The following CYFIP2 variants were observed in gnomAD, a reference collection of about 807,000 sequenced individuals.
CYFIP2 encodes cytoplasmic FMR1-interacting protein 2.
A neutral mutation model predicts 158.7 loss-of-function variants in CYFIP2; 29 were observed. The observed-to-expected ratio is 0.18, with a 90% CI of 0.14 to 0.25. The LOEUF is 0.25. Among genes scored for constraint, CYFIP2 ranks in the 10% least tolerant of loss-of-function variants. The probability of loss-of-function intolerance (pLI) is 1.00; values close to 1 mark genes in which losing one functional copy is unlikely to be tolerated. For synonymous variants in CYFIP2, 585 were observed against 617.6 expected (o/e 0.95, Z 0.78); for missense variants, 852 against 1,639.5 (o/e 0.52, Z 8.29).
At chr5:157,349,443 C>T (rs188994105) in intron 23 of CYFIP2, among the ~76,000 whole-genome samples, 62 of 152,278 alleles carry the variant, frequency 4.1e-4, no homozygotes, top group African/African-American at 1.5e-3. Flanking sequence ...CTGCAAATGC[C>T]GTTATTTCAT....
chr5:157,386,480 G>A (rs1766703355), intron 28 of CYFIP2, among the ~76,000 whole-genome samples: 1 of 152,156 alleles, frequency 6.6e-6, no homozygotes. Flanking sequence ...GCTTCACACA[G>A]GTAGATGCAC....
At chr5:157,360,422 C>G (rs764434347) in intron 25 of CYFIP2, 50 bp downstream of exon 25, 6 of 1,482,780 alleles carry the variant, frequency 4.0e-6, no homozygotes, top group Non-Finnish European at 5.6e-6. Flanking sequence ...GGGAGGGAGG[C>G]TCTGACCATC....
rs767053226 is a variant in CYFIP2 at position 157,361,626 on chromosome 5, G to T, written c.3039+28G>T. 6.2e-6 allele frequency: 10 copies of T among 1,613,362 alleles called. No homozygotes were observed. In the African/African-American group the frequency reaches 1.3e-4, roughly 22 times the overall value. ...AAGTCCAGAGCCCAAAGGAAGTGGGGTGTCTCCAGGTTGGAGGGGATGCCA... is the reference window on the plus strand; with the variant it reads ...AAGTCCAGAGCCCAAAGGAAGTGGGTTGTCTCCAGGTTGGAGGGGATGCCA... On this transcript the variant is annotated intron_variant, in intron 26 of 30. Transcript: ENST00000620254. The surrounding 1 kb of genome is among the most constrained non-coding windows in gnomAD (Gnocchi z 4.4).
At chr5:157,331,367 G>A (rs1041938628) in intron 20 of CYFIP2, among the ~76,000 whole-genome samples, 2 of 149,296 alleles carry the variant, frequency 1.3e-5, no homozygotes, top group African/African-American at 5.0e-5. Context: ...TAATATTAAT[G>A]TGAGGCAGAC....
In CYFIP2 at chr5:157,341,066, C is replaced by A. The variant is rs2113240620; in HGVS notation, c.2586-4C>A. 6.2e-7 allele frequency: 1 copy of A among 1,613,692 alleles called. No individual in the cohort carries two copies. ...ACTCTTTCCCATCCCTATGCTTCTA[C>A]TAGTTTTGTGCGGACTGCCATTCCT... On this transcript the variant is annotated splice_region_variant and splice_polypyrimidine_tract_variant and intron_variant, in intron 22 of 30. Coordinates refer to ENST00000620254, the MANE Select transcript of CYFIP2 (RefSeq NM_001037333.3).
intron 18 of CYFIP2, 85 bp downstream of exon 18, chr5:157,326,352 G>A: frequency 8.8e-7 from 1 of 1,137,768 alleles, no homozygotes; most frequent in Non-Finnish European, 1.3e-6. Context: ...GCATGAAGTA[G>A]GAGTATCAGT....
chr5:157,379,844 T>C (rs186207272), intron 26 of CYFIP2, among the ~76,000 whole-genome samples: 5 of 152,176 alleles, frequency 3.3e-5, no homozygotes, highest in South Asian at 2.1e-4. Flanking sequence ...GACAGGGGAA[T>C]TGCAAGGGAC....
At chr5:157,289,479 A>G (rs1014423001) in intron 3 of CYFIP2, among the ~76,000 whole-genome samples, 17 of 152,240 alleles carry the variant, frequency 1.1e-4, no homozygotes, top group African/African-American at 4.1e-4. Context: ...TTAGAAGTCC[A>G]AGATCAAGGT....
chr5:157,309,958 A>C, intron 10 of CYFIP2, 124 bp downstream of exon 10: 2 of 927,760 alleles, frequency 2.2e-6, no homozygotes, highest in Non-Finnish European at 1.7e-6. Context: ...CCATCAGAAC[A>C]CAGGTGCCGG....
chr5:157,393,039 G>C lies in CYFIP2; in HGVS notation c.*39G>C. 1 of 1,604,454 alleles carries C rather than the reference G, an allele frequency of 6.2e-7. No individual in the cohort carries two copies. Among genetic ancestry groups the C allele is most frequent in the East Asian group, 2.2e-5 (1 of 44,784 alleles). ...CAGACCCTTATCTGGAGGAGGAAGA[G>C]AAGCAGGAGAGAGAAAGCCACAGCC... is the stretch of plus-strand genomic sequence containing the variant. On this transcript the variant is annotated 3_prime_UTR_variant, in exon 31 of 31. Coordinates refer to ENST00000620254, the MANE Select transcript of CYFIP2 (RefSeq NM_001037333.3).
chr5:157,390,008 A>G (rs1465323666), intron 29 of CYFIP2, among the ~76,000 whole-genome samples: 1 of 152,156 alleles, frequency 6.6e-6, no homozygotes, highest in Non-Finnish European at 1.5e-5. Flanking sequence ...AGGCCTCTTG[A>G]GAGTTGGAGC....
At chr5:157,302,731 G>A in intron 6 of CYFIP2, 63 bp from the exon 7 acceptor site, 1 of 1,362,344 alleles carries the variant, frequency 7.3e-7, no homozygotes, top group Non-Finnish European at 1.0e-6. Context: ...GAGCCCGTGA[G>A]GCATGGTTTA....
At chr5:157,389,070 C>A in intron 28 of CYFIP2, 119 bp from the exon 29 acceptor site, 1 of 926,490 alleles carries the variant, frequency 1.1e-6, no homozygotes, top group Non-Finnish European at 1.6e-6. Flanking sequence ...CTGAACAAGA[C>A]CAGTTCTGGT....
At chr5:157,303,570 A>G (rs1472893038) in intron 7 of CYFIP2, among the ~76,000 whole-genome samples, 1 of 152,172 alleles carries the variant, frequency 6.6e-6, no homozygotes, top group Non-Finnish European at 1.5e-5. Flanking sequence ...ATTCAAATCC[A>G]TATCACGGAG....
At chr5:157,383,560 C>A in intron 28 of CYFIP2, 1 of 527,648 alleles carries the variant, frequency 1.9e-6, no homozygotes, top group Non-Finnish European at 3.4e-6. Context: ...AGTGTTTCTT[C>A]TGTAGCCTGT....
chr5:157,302,815 G>A lies in CYFIP2; in HGVS notation c.591G>A (p.Lys197=), dbSNP rs1161002026. 5 of 1,584,088 alleles carry A rather than the reference G, an allele frequency of 3.2e-6. No individual in the cohort carries two copies. In the Admixed American group the frequency reaches 9.0e-5, roughly 29 times the overall value. ...AYKRAAQFLR[K]MADPQSIQES... The stretch of plus-strand genomic sequence containing the variant: ...TCAGGGCAGCACAGTTCCTGCGGAA[G>A]ATGGCAGATCCCCAGTCTATCCAGG... The change falls in exon 7 of 31, where the codon AAG becomes AAA. Residue 197 remains lysine (K), a synonymous_variant. Transcript: ENST00000620254.
chr5:157,330,000 G>C (rs1039363521), intron 19 of CYFIP2, among the ~76,000 whole-genome samples: 5 of 152,132 alleles, frequency 3.3e-5, no homozygotes, highest in Non-Finnish European at 1.5e-5. Context: ...ATCCACACTG[G>C]CCATCTTTCC....
rs754667716 is a variant in CYFIP2, at chr5:157,361,452, C to T, written c.2909-16C>T. 1.2e-6 allele frequency: 2 copies of T among 1,613,682 alleles called. No homozygotes were observed. The highest frequency in any genetic ancestry group is 2.2e-5 in the South Asian group (2 of 91,064). Reference sequence around the variant, plus strand: ...CAGTGTCAACTTCCCACTGACCACCCCGATTCACCTCCCAGGGATCCTGGA... The same window carrying T: ...CAGTGTCAACTTCCCACTGACCACCTCGATTCACCTCCCAGGGATCCTGGA... On this transcript the variant is annotated splice_polypyrimidine_tract_variant and intron_variant, in intron 25 of 30. Transcript: ENST00000620254. This position sits in a 1 kb window ranked among gnomAD's most constrained non-coding sequence, Gnocchi z 4.4.
intron 13 of CYFIP2, among the ~76,000 whole-genome samples, chr5:157,318,551 G>T (rs1760333271): frequency 6.6e-6 from 1 of 152,154 alleles, no homozygotes; most frequent in Non-Finnish European, 1.5e-5. Context: ...CACCTCCTGA[G>T]TTGTTTTCAT....
Sources: gnomAD v4.1 joint callset for allele counts (sites outside exome capture counted in the v4.1 genomes callset) on GRCh38, gnomAD v4.1.1 for gene constraint, Gnocchi (gnomAD v3.1) non-coding constraint, MANE v1.5 for transcripts, NCBI Gene and HGNC (gene_info 2026-07-23, HGNC 2026-07-21) for gene names.